Variants in PPIP5K2 observed in about 807,000 individuals in gnomAD.
PPIP5K2 encodes the protein inositol hexakisphosphate and diphosphoinositol-pentakisphosphate kinase 2.
PPIP5K2 carries 105 observed loss-of-function variants against 154.6 expected under a neutral mutation model. The ratio of observed to expected loss-of-function variants is 0.68; its 90% CI spans 0.58 to 0.80. The LOEUF is 0.80. Ranked by LOEUF, PPIP5K2 falls within the 30% of genes least tolerant of loss-of-function variation. The pLI, the probability that PPIP5K2 is intolerant of heterozygous loss-of-function variation, is 0.00. For missense variants in PPIP5K2, 992 were observed against 1,504.6 expected, an observed-to-expected ratio of 0.66 and a Z score of 5.64; for synonymous variants, 480 against 490.3, an observed-to-expected ratio of 0.98 and a Z score of 0.28.
At chr5:103,133,740 AT>A in intron 3 of PPIP5K2, 92 bp downstream of exon 3, 1 of 1,061,100 alleles carries the variant, frequency 9.4e-7, no homozygotes, top group Admixed American at 3.2e-5. Context: ...AAACAGAAAA[AT>A]AAACATTAAC....
intron 7 of PPIP5K2, among the ~76,000 whole-genome samples, chr5:103,148,859 A>C (rs1040004498): frequency 1.3e-5 from 2 of 152,034 alleles, no homozygotes; most frequent in African/African-American, 4.8e-5. Context: ...AACTAAAACA[A>C]TTTGAGGAGA....
At chr5:103,180,308 A>C in intron 24 of PPIP5K2, 120 bp downstream of exon 24, 1 of 730,154 alleles carries the variant, frequency 1.4e-6, no homozygotes, top group Non-Finnish European at 1.9e-6. Flanking sequence ...TTTAAATGTT[A>C]TTTAATCTAT....
chr5:103,175,761 T>C (rs539696207), intron 21 of PPIP5K2, among the ~76,000 whole-genome samples: 4 of 152,132 alleles, frequency 2.6e-5, no homozygotes, highest in African/African-American at 9.6e-5. Context: ...AAGATGTCAT[T>C]TGGACTAGGG....
At chr5:103,177,332 C>T (rs1293957998) in intron 21 of PPIP5K2, among the ~76,000 whole-genome samples, 1 of 151,772 alleles carries the variant, frequency 6.6e-6, no homozygotes, top group Non-Finnish European at 1.5e-5. Flanking sequence ...GTTTAGCATC[C>T]CTAATCTGAA....
intron 28 of PPIP5K2, among the ~76,000 whole-genome samples, chr5:103,190,014 TC>T (rs1800975545): frequency 6.6e-6 from 1 of 152,078 alleles, no homozygotes; most frequent in South Asian, 2.1e-4. Context: ...TAAAAGCCAT[TC>T]AGTTGAATGA....
intron 5 of PPIP5K2, among the ~76,000 whole-genome samples, chr5:103,144,050 C>T (rs575200091): frequency 6.6e-6 from 1 of 151,554 alleles, no homozygotes; most frequent in South Asian, 2.1e-4. Flanking sequence ...GAGTCTTTAC[C>T]ACAAAACTAT....
intron 1 of PPIP5K2, among the ~76,000 whole-genome samples, chr5:103,128,177 T>G (rs1790031671): frequency 6.6e-6 from 1 of 152,046 alleles, no homozygotes; most frequent in Non-Finnish European, 1.5e-5. Context: ...GAATAGAACT[T>G]TTGGAGTTAT....
chr5:103,141,216 G>A (rs958174159), intron 5 of PPIP5K2, among the ~76,000 whole-genome samples: 1 of 152,148 alleles, frequency 6.6e-6, no homozygotes, highest in South Asian at 2.1e-4. Flanking sequence ...GAATGAAGCC[G>A]CAGACCCTCG....
At chr5:103,121,904 AT>A (rs1288813856) in intron 1 of PPIP5K2, among the ~76,000 whole-genome samples, 2 of 152,226 alleles carry the variant, frequency 1.3e-5, no homozygotes, top group African/African-American at 4.8e-5. Flanking sequence ...TTAGGTCCTC[AT>A]TCTTTAAAAG....
intron 24 of PPIP5K2, among the ~76,000 whole-genome samples, 200 bp downstream of exon 24, chr5:103,180,388 A>G (rs1015959067): frequency 3.3e-5 from 5 of 152,190 alleles, no homozygotes; most frequent in African/African-American, 9.6e-5. Flanking sequence ...TGAGCTTTAC[A>G]TATAGTTTTC....
At position 103,205,042 on chromosome 5, in the gene PPIP5K2, C is replaced by T. The variant is rs1803430740; in HGVS notation, c.*3408C>T. On this transcript the variant is annotated 3_prime_UTR_variant, in exon 31 of 31. Transcript: ENST00000358359. ...ACTGACAGGCCCAGTGTGTGATGTT[C>T]CCCGCCCTGTGTCCAAGTACTGTTC... 1 of 151,288 alleles carries T rather than the reference C, an allele frequency of 6.6e-6. No homozygotes were observed. The allele number at this position is 151,288 out of a possible 1,614,324, so 9.4% of individuals were successfully genotyped here. A position where few individuals can be genotyped will look rare whatever the true frequency, so the allele number is the denominator to read the frequency against.
At chr5:103,169,055 T>C (rs1410553132) in intron 19 of PPIP5K2, among the ~76,000 whole-genome samples, 18 of 151,894 alleles carry the variant, frequency 1.2e-4, no homozygotes, top group African/African-American at 3.6e-4. Context: ...GGTCAAGATA[T>C]ATGTAGTTGT....
intron 21 of PPIP5K2, chr5:103,176,731 C>A: frequency 3.9e-6 from 2 of 519,238 alleles, no homozygotes; most frequent in South Asian, 3.0e-5. Flanking sequence ...TAAGTAGATC[C>A]TGTTAACTGT....
rs1580518578 is a variant in PPIP5K2 at position 103,201,799 on chromosome 5, A to G, written c.*165A>G. The G allele has an allele frequency of 1.7e-6, 1 of 581,896 alleles. No individual in the cohort carries two copies. Among genetic ancestry groups the G allele is most frequent in the East Asian group, 3.1e-5 (1 of 32,304 alleles). The allele number at this position is 581,896 out of a possible 1,614,324, so 36.0% of individuals were successfully genotyped here. A position where few individuals can be genotyped will look rare whatever the true frequency, so the allele number is the denominator to read the frequency against. ...TCATGATCTGGAAATGTTTAAAACA[A>G]TGTTTGTTAGCATTCTGTGAGCAGC... On this transcript the variant is annotated 3_prime_UTR_variant, in exon 31 of 31. Coordinates refer to ENST00000358359, the MANE Select transcript of PPIP5K2 (RefSeq NM_001276277.3).
chr5:103,199,300 G>GT (rs1262285792), intron 30 of PPIP5K2, among the ~76,000 whole-genome samples: 19 of 152,122 alleles, frequency 1.2e-4, no homozygotes, highest in Non-Finnish European at 2.9e-5. Flanking sequence ...TCAGCCTGAA[G>GT]TTTTTTAGCA....
In PPIP5K2 at chr5:103,122,826, T is replaced by C. The variant is rs17155076; in HGVS notation, c.-285+2338T>C. The stretch of plus-strand genomic sequence containing the variant: ...GGGCTACAGTGATGGCTTGGAAATA[T>C]TAAGTTCAGGTAAGGGGGATCTGAA... On this transcript the variant is annotated intron_variant, in intron 1 of 30. Coordinates refer to ENST00000358359, the MANE Select transcript of PPIP5K2 (RefSeq NM_001276277.3). Among the ~76,000 whole-genome samples the C allele has an allele frequency of 9.7e-3, 1,483 of 152,256 alleles. 9 individuals are homozygous for C. The highest frequency in any genetic ancestry group is 0.013 in the African/African-American group (525 of 41,556).
At chr5:103,134,952 T>C (rs1791231635) in intron 3 of PPIP5K2, among the ~76,000 whole-genome samples, 1 of 152,212 alleles carries the variant, frequency 6.6e-6, no homozygotes, top group Non-Finnish European at 1.5e-5. Context: ...GGAATAAATC[T>C]GATTTAACTG....
chr5:103,126,457 A>G (rs1393547581), intron 1 of PPIP5K2, among the ~76,000 whole-genome samples: 1 of 152,236 alleles, frequency 6.6e-6, no homozygotes, highest in East Asian at 1.9e-4. Flanking sequence ...AAGTATTTCA[A>G]AAATGTGGGA....
Position 103,201,882 on chromosome 5 carries a change from A to G in PPIP5K2, c.*248A>G. 2 of 377,096 alleles carry G rather than the reference A, an allele frequency of 5.3e-6. No individual in the cohort carries two copies. Among genetic ancestry groups the G allele is most frequent in the Non-Finnish European group, 4.8e-6 (1 of 207,368 alleles). 23.4% of individuals were successfully genotyped at this position (377,096 alleles called of 1,614,324 possible). ...AATATGATGTTTACCATGTGCACAT[A>G]GTAATGAAAAGGAACATAAAAGCCC... On this transcript the variant is annotated 3_prime_UTR_variant, in exon 31 of 31. Transcript: ENST00000358359.
Sources: gnomAD v4.1 joint callset for allele counts (sites outside exome capture counted in the v4.1 genomes callset) on GRCh38, gnomAD v4.1.1 for gene constraint, MANE v1.5 for transcripts, NCBI Gene and HGNC (gene_info 2026-07-23, HGNC 2026-07-21) for gene names.